The following MN1 variants were observed in gnomAD, a reference collection of about 807,000 sequenced individuals.
MN1 encodes MN1 proto-oncogene, transcriptional regulator.
MN1 carries 19 observed loss-of-function variants against 86.9 expected under a neutral mutation model. That is an observed-to-expected ratio of 0.22 (90% CI 0.15 to 0.32). MN1 has a LOEUF of 0.32. Among genes scored for constraint, MN1 ranks in the 10% least tolerant of loss-of-function variants. MN1 has a pLI of 1.00. For synonymous variants in MN1, 928 were observed against 849.6 expected (o/e 1.09, Z -1.60); for missense variants, 1,841 against 1,862.0 (o/e 0.99, Z 0.21).
Position 27,797,848 on chromosome 22 carries a change from C to G in MN1, c.2696G>C (p.Ser899Thr), listed in dbSNP as rs372371814. 1 of 1,579,742 alleles carries G rather than the reference C, an allele frequency of 6.3e-7. No individual in the cohort carries two copies. Among genetic ancestry groups the G allele is most frequent in the African/African-American group, 1.4e-5 (1 of 73,724 alleles). ...GPGGPSGTSS[S>T]GSKASGPPNP... The stretch of plus-strand genomic sequence containing the variant: ...GGGCGGCCCCGAGGCTTTGGAGCCG[C>G]TGCTACTGGTCCCGGACGGGCCTCC... The change falls in exon 1 of 2, where the codon AGC becomes ACC. Residue 899 changes from serine (S) to threonine (T), a missense_variant. By Grantham distance (58) the Ser-to-Thr change is moderately conservative (BLOSUM62 1). Transcript: ENST00000302326.
At chr22:27,787,569 G>T (rs1414818585) in intron 1 of MN1, among the ~76,000 whole-genome samples, 1 of 152,162 alleles carries the variant, frequency 6.6e-6, no homozygotes, top group East Asian at 1.9e-4. Flanking sequence ...TATATATTGT[G>T]TGGGAGGGCA....
chr22:27,798,842 GCTGCTGATTCCGCGA>G lies in MN1; in HGVS notation c.1687_1701del (p.Ser563_Gln567del). The G allele has an allele frequency of 1.9e-6, 3 of 1,541,088 alleles. No homozygotes were observed. Among genetic ancestry groups the G allele is most frequent in the Non-Finnish European group, 2.6e-6 (3 of 1,146,770 alleles). On this transcript the variant is annotated inframe_deletion, in exon 1 of 2. Transcript: ENST00000302326. ...GCCAGGTTGGGCTGGCGCAGCCGCT[GCTGCTGATTCCGCGA>G]CGCCATCTGCTTAATCATGAGGGCC...
chr22:27,766,768 G>A (rs1297720018), intron 1 of MN1, among the ~76,000 whole-genome samples: 2 of 152,120 alleles, frequency 1.3e-5, no homozygotes, highest in Non-Finnish European at 2.9e-5. Flanking sequence ...GGGCAGAAGT[G>A]TGACTAGATC....
In MN1 at chr22:27,796,795, T is replaced by C. The variant is rs769063080; in HGVS notation, c.3749A>G (p.Lys1250Arg). ...GCTGTTGGGGTTCTGGGGTTTGGCC[T>C]TCTCCCAGGGCGCCAACGTCTTGTC... ...DDDKTLAPWE[K>R]AKPQNPNSKE... The change falls in exon 1 of 2, where the codon AAG becomes AGG. Residue 1250 changes from lysine (K) to arginine (R), a missense_variant. Transcript: ENST00000302326. 3 of 1,606,390 alleles carry C rather than the reference T, an allele frequency of 1.9e-6. No homozygotes were observed. The highest frequency in any genetic ancestry group is 2.5e-6 in the Non-Finnish European group (3 of 1,178,722).
Position 27,799,972 on chromosome 22 carries a change from A to C in MN1, c.572T>G (p.Leu191Arg). Residue 191 changes from leucine (L) to arginine (R), a missense_variant, in exon 1 of 2, where the codon CTG (leucine) becomes CGG (arginine). Physicochemically the swap from Leu to Arg is moderately radical, Grantham distance 102. Transcript: ENST00000302326. ...ASSHAVPAPCLPLDQSPNRAA... is the reference protein window; with the variant it reads ...ASSHAVPAPCRPLDQSPNRAA... ...TCGGTTAGGGCTCTGGTCCAGCGGC[A>C]GGCATGGGGCCGGCACGGCGTGGCT... 1 of 1,603,026 alleles carries C rather than the reference A, an allele frequency of 6.2e-7. No individual in the cohort carries two copies. Among genetic ancestry groups the C allele is most frequent in the Non-Finnish European group, 8.5e-7 (1 of 1,175,904 alleles).
intron 1 of MN1, among the ~76,000 whole-genome samples, chr22:27,781,993 G>A (rs887249785): frequency 6.6e-6 from 1 of 151,938 alleles, no homozygotes; most frequent in Non-Finnish European, 1.5e-5. Flanking sequence ...TGGTTGACTC[G>A]GGCTCCTGGC....
rs1004536204 is a variant in MN1 at position 27,750,721 on chromosome 22, T to TC, written c.*193dup. 4.1e-5 allele frequency: 18 copies of TC among 442,388 alleles called. No homozygotes were observed. The highest frequency in any genetic ancestry group is 2.1e-4 in the South Asian group (3 of 14,406). The allele number at this position is 442,388 out of a possible 1,614,324, so 27.4% of individuals were successfully genotyped here. A position where few individuals can be genotyped will look rare whatever the true frequency, so the allele number is the denominator to read the frequency against. On this transcript the variant is annotated 3_prime_UTR_variant, in exon 2 of 2. Transcript: ENST00000302326. ...TCTTTTTTAAAAAAACTTTTGAGGT[T>TC]CCCCCCCTTTAAATTAACCCTTTCC...
In MN1 at chr22:27,758,440, C is replaced by T. The variant is rs560432428; in HGVS notation, c.3782-7344G>A. Among the ~76,000 whole-genome samples, 56 of 152,316 alleles carry T rather than the reference C, an allele frequency of 3.7e-4. 2 individuals are homozygous for T. The South Asian group carries it at 8.9e-3, about 24-fold the overall frequency. On this transcript the variant is annotated intron_variant, in intron 1 of 1. Transcript: ENST00000302326. ...TGCTGGCAGATGGCACCCCTGGCTCCGGCTACCATGATGGTAATGATACCG... is the reference window on the plus strand; with the variant it reads ...TGCTGGCAGATGGCACCCCTGGCTCTGGCTACCATGATGGTAATGATACCG...
rs897417432 is a variant in MN1, at chr22:27,749,563, C to T, written c.*1352G>A. 1 of 232,346 alleles carries T rather than the reference C, an allele frequency of 4.3e-6. No individual in the cohort carries two copies. The highest frequency in any genetic ancestry group is 8.5e-6 in the Non-Finnish European group (1 of 117,580). The allele number at this position is 232,346 out of a possible 1,614,324, so 14.4% of individuals were successfully genotyped here. A position where few individuals can be genotyped will look rare whatever the true frequency, so the allele number is the denominator to read the frequency against. ...CCCTGCCAACCACCACTCATCTCTG[C>T]TCAGAGCAGTTATTCCTTTGTGAGA... On this transcript the variant is annotated 3_prime_UTR_variant, in exon 2 of 2. Transcript: ENST00000302326.
intron 1 of MN1, among the ~76,000 whole-genome samples, chr22:27,767,111 G>T (rs1044891388): frequency 2.0e-5 from 3 of 152,066 alleles, no homozygotes; most frequent in South Asian, 4.2e-4. Flanking sequence ...GAAACTAGGG[G>T]CCTTGTATCA....
chr22:27,794,181 G>T (rs186934519), intron 1 of MN1, among the ~76,000 whole-genome samples: 1 of 152,134 alleles, frequency 6.6e-6, no homozygotes. Context: ...GGGACTCAGG[G>T]GCCTGTAGAA....
At position 27,754,906 on chromosome 22, in the gene MN1, T is replaced by C. The variant is rs570155114; in HGVS notation, c.3782-3810A>G. 3.2e-4 allele frequency among the ~76,000 whole-genome samples: 48 copies of C among 152,292 alleles called. 1 individual carries two copies. In the South Asian group the frequency reaches 8.7e-3, roughly 28 times the overall value. ...GAGTGCTGTTCTGTTTTCCACTTGATTGTCAGCCTCCCCCATCAGACTGTG... is the reference window on the plus strand; with the variant it reads ...GAGTGCTGTTCTGTTTTCCACTTGACTGTCAGCCTCCCCCATCAGACTGTG... On this transcript the variant is annotated intron_variant, in intron 1 of 1. Transcript: ENST00000302326.
chr22:27,773,512 G>C (rs1001337308), intron 1 of MN1, among the ~76,000 whole-genome samples: 1 of 152,214 alleles, frequency 6.6e-6, no homozygotes, highest in East Asian at 1.9e-4. Flanking sequence ...CGTGCTCGCC[G>C]CACTTAGTCC....
chr22:27,773,917 G>T, intron 1 of MN1, among the ~76,000 whole-genome samples: 1 of 152,168 alleles, frequency 6.6e-6, no homozygotes, highest in East Asian at 1.9e-4. Context: ...GCCTCCCAAA[G>T]TGTTGGGATT....
chr22:27,766,850 T>A (rs1005438048), intron 1 of MN1, among the ~76,000 whole-genome samples: 2 of 152,142 alleles, frequency 1.3e-5, no homozygotes, highest in Non-Finnish European at 2.9e-5. Context: ...ACCATGGAGT[T>A]TGTAGTACGC....
chr22:27,787,334 A>C (rs528158779), intron 1 of MN1, among the ~76,000 whole-genome samples: 1 of 152,382 alleles, frequency 6.6e-6, no homozygotes, highest in Admixed American at 6.5e-5. Context: ...GCAGGGGATG[A>C]AAATGGCCAA....
chr22:27,785,753 C>G (rs1006154159), intron 1 of MN1, among the ~76,000 whole-genome samples: 1 of 150,060 alleles, frequency 6.7e-6, no homozygotes, highest in Non-Finnish European at 1.5e-5. Context: ...TGTGCCCCCC[C>G]CCCATGGCCC....
rs1256649630 is a variant in MN1, at chr22:27,749,598, C to T, written c.*1317G>A. 1 of 232,182 alleles carries T rather than the reference C, an allele frequency of 4.3e-6. No individual in the cohort carries two copies. Among genetic ancestry groups the T allele is most frequent in the Non-Finnish European group, 8.5e-6 (1 of 117,412 alleles). 14.4% of individuals were successfully genotyped at this position (232,182 alleles called of 1,614,324 possible). Reference sequence around the variant, plus strand: ...TTATTCCTTTGTGAGATGCTTGGGACATGGCTCTAGTTTTGCAACAGGGTG... The same window carrying T: ...TTATTCCTTTGTGAGATGCTTGGGATATGGCTCTAGTTTTGCAACAGGGTG... On this transcript the variant is annotated 3_prime_UTR_variant, in exon 2 of 2. Coordinates refer to ENST00000302326, the MANE Select transcript of MN1 (RefSeq NM_002430.3).
At chr22:27,782,536 G>A (rs890904355) in intron 1 of MN1, among the ~76,000 whole-genome samples, 1 of 152,170 alleles carries the variant, frequency 6.6e-6, no homozygotes, top group Non-Finnish European at 1.5e-5. Flanking sequence ...CCCTATATAC[G>A]AACCACCTGG....
Sources: gnomAD v4.1 joint callset for allele counts (sites outside exome capture counted in the v4.1 genomes callset) on GRCh38, gnomAD v4.1.1 for gene constraint, MANE v1.5 for transcripts, NCBI Gene and HGNC (gene_info 2026-07-23, HGNC 2026-07-21) for gene names.